VDAC1: variants seen among roughly 807,000 people sequenced by gnomAD.
The protein encoded by VDAC1 is voltage dependent anion channel 1.
In VDAC1, 10 loss-of-function variants were observed where a neutral mutation model predicts 34.7. The observed-to-expected ratio is 0.29, with a 90% CI of 0.18 to 0.49. VDAC1 has a LOEUF of 0.49. Ranked by LOEUF, VDAC1 falls within the 20% of genes least tolerant of loss-of-function variation. The pLI is 0.99. For synonymous variants in VDAC1, 130 were observed against 136.0 expected, an observed-to-expected ratio of 0.96 and a Z score of 0.30; for missense variants, 230 against 347.9, an observed-to-expected ratio of 0.66 and a Z score of 2.69.
intron 1 of VDAC1, among the ~76,000 whole-genome samples, chr5:133,995,320 TTC>T (rs1753256813): frequency 6.6e-6 from 1 of 152,122 alleles, no homozygotes; most frequent in African/African-American, 2.4e-5. Context: ...AACTTGCTGG[TTC>T]ACTAAAACAT....
At chr5:134,052,327 T>C in the VDAC1 span, among the ~76,000 whole-genome samples, 1 of 152,106 alleles carries the variant, frequency 6.6e-6, no homozygotes, top group Admixed American at 6.6e-5. Flanking sequence ...CCTCTTGTGT[T>C]ATGTAAAACT....
the VDAC1 span, among the ~76,000 whole-genome samples, chr5:134,056,971 G>T: frequency 3.3e-5 from 5 of 152,164 alleles, no homozygotes; most frequent in Non-Finnish European, 7.3e-5. Context: ...TTACAGGCGT[G>T]AGCCACCACG....
At chr5:134,050,335 T>G in the VDAC1 span, among the ~76,000 whole-genome samples, 2 of 152,240 alleles carry the variant, frequency 1.3e-5, no homozygotes, top group African/African-American at 4.8e-5. Flanking sequence ...TACTTTACCC[T>G]TCTACAGAAG....
the VDAC1 span, among the ~76,000 whole-genome samples, chr5:134,025,076 G>T: frequency 6.6e-6 from 1 of 152,148 alleles, no homozygotes. Flanking sequence ...AGTCCATTTT[G>T]GTGTTGCCAT....
chr5:134,096,178 C>T, the VDAC1 span, among the ~76,000 whole-genome samples: 1 of 152,228 alleles, frequency 6.6e-6, no homozygotes, highest in African/African-American at 2.4e-5. Flanking sequence ...ACTCCCCCGC[C>T]TTGGTTCCCT....
chr5:133,978,321 G>A (rs952190963), intron 6 of VDAC1, among the ~76,000 whole-genome samples: 4 of 151,716 alleles, frequency 2.6e-5, no homozygotes. Flanking sequence ...AAATTTCTTA[G>A]AGACAGAGTA....
At chr5:134,106,312 A>G in the VDAC1 span, among the ~76,000 whole-genome samples, 1 of 152,154 alleles carries the variant, frequency 6.6e-6, no homozygotes, top group Non-Finnish European at 1.5e-5. Flanking sequence ...TAATTTGTGT[A>G]TATTTAACAA....
chr5:134,058,555 T>C, the VDAC1 span, among the ~76,000 whole-genome samples: 1 of 152,082 alleles, frequency 6.6e-6, no homozygotes, highest in Non-Finnish European at 1.5e-5. Flanking sequence ...GACCTCATGA[T>C]CCACCTGCCT....
chr5:134,027,730 T>A, the VDAC1 span, among the ~76,000 whole-genome samples: 1 of 152,102 alleles, frequency 6.6e-6, no homozygotes, highest in South Asian at 2.1e-4. Context: ...AACTCTGTTA[T>A]TTTTGGTATA....
At chr5:134,054,674 TG>T in the VDAC1 span, among the ~76,000 whole-genome samples, 3 of 152,258 alleles carry the variant, frequency 2.0e-5, no homozygotes, top group East Asian at 5.8e-4. Context: ...TTGGCCAAGC[TG>T]GTCTTGAACT....
the VDAC1 span, among the ~76,000 whole-genome samples, chr5:134,055,540 C>T: frequency 1.3e-5 from 2 of 150,236 alleles, no homozygotes; most frequent in Non-Finnish European, 2.9e-5. Flanking sequence ...CTGCCTCAGT[C>T]TCCCAAGTAG....
At chr5:134,032,460 A>G in the VDAC1 span, among the ~76,000 whole-genome samples, 2 of 152,188 alleles carry the variant, frequency 1.3e-5, no homozygotes, top group Non-Finnish European at 2.9e-5. Flanking sequence ...CTAGGATTTC[A>G]CTCTGAAGAT....
At chr5:134,077,201 CA>C in the VDAC1 span, among the ~76,000 whole-genome samples, 1 of 144,616 alleles carries the variant, frequency 6.9e-6, no homozygotes, top group Non-Finnish European at 1.5e-5. Context: ...TGCTTGAACT[CA>C]GGAGGTGGAG....
At chr5:134,014,506 G>A in the VDAC1 span, among the ~76,000 whole-genome samples, 3 of 152,178 alleles carry the variant, frequency 2.0e-5, no homozygotes, top group East Asian at 1.9e-4. Flanking sequence ...AATTAGTTCA[G>A]CCAGTGTAGA....
At chr5:134,094,223 G>A in the VDAC1 span, among the ~76,000 whole-genome samples, 19 of 152,332 alleles carry the variant, frequency 1.2e-4, no homozygotes, top group Non-Finnish European at 2.2e-4. Context: ...CAGGTCATTC[G>A]CGTTCCAGGC....
chr5:134,032,124 C>CAAAAAAAAAAAAAAAAAAAAAAAAA, the VDAC1 span, among the ~76,000 whole-genome samples: 52 of 36,126 alleles, frequency 1.4e-3, 7 homozygotes, highest in Middle Eastern at 0.015. Context: ...CTCTGCCTCA[C>CAAAAAAAAAAAAAAAAAAAAAAAAA]AAAAAAAAAA....
chr5:134,083,900 C>T, the VDAC1 span, among the ~76,000 whole-genome samples: 5 of 152,162 alleles, frequency 3.3e-5, no homozygotes, highest in South Asian at 2.1e-4. Context: ...ATAAATAAGT[C>T]GAGGTGGAGT....
the VDAC1 span, among the ~76,000 whole-genome samples, chr5:134,096,507 G>A: frequency 6.6e-6 from 1 of 152,216 alleles, no homozygotes; most frequent in African/African-American, 2.4e-5. Flanking sequence ...TGGGCCACAC[G>A]ATCTCTCCTT....
At chr5:134,094,209 G>T in the VDAC1 span, among the ~76,000 whole-genome samples, 1 of 152,234 alleles carries the variant, frequency 6.6e-6, no homozygotes, top group Non-Finnish European at 1.5e-5. Context: ...CCTTCCTGCA[G>T]GTGCAGGTCA....
Sources: allele counts gnomAD v4.1 joint callset (sites outside exome capture counted in the v4.1 genomes callset), GRCh38; gene constraint gnomAD v4.1.1; transcripts MANE v1.5; gene names NCBI Gene and HGNC (gene_info 2026-07-23, HGNC 2026-07-21).